CACNA1A: variants seen among roughly 807,000 people sequenced by gnomAD.
The protein encoded by CACNA1A is calcium voltage-gated channel subunit alpha1 A.
In CACNA1A, 57 loss-of-function variants were observed where a neutral mutation model predicts 262.4. The ratio of observed to expected loss-of-function variants is 0.22; its 90% CI spans 0.18 to 0.27. The LOEUF (loss-of-function observed/expected upper bound fraction) is 0.27. CACNA1A is among the 10% of genes least tolerant of loss of function. The pLI, the probability that CACNA1A is intolerant of heterozygous loss-of-function variation, is 1.00. For synonymous variants in CACNA1A, 1,431 were observed against 1,419.3 expected (o/e 1.01, Z -0.18); for missense variants, 2,526 against 3,562.8 (o/e 0.71, Z 7.41).
intron 3 of CACNA1A, among the ~76,000 whole-genome samples, chr19:13,400,270 A>C (rs554837514): frequency 2.3e-4 from 35 of 152,272 alleles, no homozygotes; most frequent in Non-Finnish European, 3.7e-4. Flanking sequence ...GATCATGTAT[A>C]ACACTGCACA....
At chr19:13,256,460 A>T (rs1288967955) in intron 28 of CACNA1A, 1 of 152,302 alleles carries the variant, frequency 6.6e-6, no homozygotes, top group Non-Finnish European at 1.5e-5. Context: ...AGTCATGTCT[A>T]TACTCTCTGG....
intron 3 of CACNA1A, among the ~76,000 whole-genome samples, chr19:13,410,709 G>A (rs2060095840): frequency 6.6e-6 from 1 of 151,870 alleles, no homozygotes; most frequent in Non-Finnish European, 1.5e-5. Context: ...AAGCAGCTCT[G>A]GCTCAGGTCA....
chr19:13,369,438 G>A (rs147473884), intron 4 of CACNA1A, among the ~76,000 whole-genome samples: 55 of 152,204 alleles, frequency 3.6e-4, no homozygotes, highest in Non-Finnish European at 6.2e-4. Context: ...CCCAAGAGCC[G>A]TCCCCCAATA....
chr19:13,426,372 C>T (rs535378202), intron 3 of CACNA1A, among the ~76,000 whole-genome samples: 2 of 152,174 alleles, frequency 1.3e-5, no homozygotes, highest in South Asian at 2.1e-4. Flanking sequence ...TGGGACATTT[C>T]GTTTGGCAAT....
chr19:13,235,388 C>A, intron 32 of CACNA1A, 114 bp from the exon 33 acceptor site: 1 of 1,040,502 alleles, frequency 9.6e-7, no homozygotes, highest in Non-Finnish European at 1.5e-6. Flanking sequence ...TGCCACGTGC[C>A]AGAGTCCTTC....
At chr19:13,428,658 C>A (rs113159235) in intron 3 of CACNA1A, among the ~76,000 whole-genome samples, 1 of 152,068 alleles carries the variant, frequency 6.6e-6, no homozygotes, top group Non-Finnish European at 1.5e-5. Context: ...AGAGTGGCCC[C>A]GCAGCCTGTG....
chr19:13,341,649 A>G (rs1408107526), intron 6 of CACNA1A, among the ~76,000 whole-genome samples: 1 of 152,088 alleles, frequency 6.6e-6, no homozygotes, highest in South Asian at 2.1e-4. Flanking sequence ...TGAGATTGCT[A>G]CATGGTTTCC....
chr19:13,385,827 C>G (rs1417637956), intron 3 of CACNA1A, among the ~76,000 whole-genome samples: 1 of 152,010 alleles, frequency 6.6e-6, no homozygotes, highest in Non-Finnish European at 1.5e-5. Context: ...TGATAATTAA[C>G]AGAGTATATT....
intron 3 of CACNA1A, among the ~76,000 whole-genome samples, chr19:13,388,752 A>T (rs2059662745): frequency 6.6e-6 from 1 of 152,134 alleles, no homozygotes; most frequent in Non-Finnish European, 1.5e-5. Flanking sequence ...GAGACAACTG[A>T]GAGAATGTTT....
chr19:13,248,419 A>AT, intron 30 of CACNA1A, among the ~76,000 whole-genome samples: 1 of 150,722 alleles, frequency 6.6e-6, no homozygotes. Flanking sequence ...CAAAAAAAAA[A>AT]AAAAAAAAAA....
intron 24 of CACNA1A, among the ~76,000 whole-genome samples, chr19:13,270,206 T>C (rs1450403765): frequency 6.6e-6 from 1 of 151,812 alleles, no homozygotes; most frequent in Non-Finnish European, 1.5e-5. Flanking sequence ...CTCATCTAGA[T>C]GGGAAAAACT....
chr19:13,215,526 C>T (rs1336345133), intron 38 of CACNA1A, among the ~76,000 whole-genome samples: 21 of 149,470 alleles, frequency 1.4e-4, no homozygotes, highest in African/African-American at 5.2e-4. Context: ...ACCATGTTGG[C>T]CAGGCTGGTC....
At chr19:13,237,913 T>C (rs1401586780) in intron 31 of CACNA1A, among the ~76,000 whole-genome samples, 2 of 152,074 alleles carry the variant, frequency 1.3e-5, no homozygotes, top group Non-Finnish European at 2.9e-5. Context: ...CGGCCAGGCA[T>C]GCGAAGGCAG....
At chr19:13,260,342 TTG>T (rs2056702040) in intron 26 of CACNA1A, 4 of 145,326 alleles carry the variant, frequency 2.8e-5, no homozygotes, top group Admixed American at 6.9e-5. Context: ...ATTTTTGTTG[TTG>T]TTGTTTGTTT....
chr19:13,307,049 ACCT>A (rs2057918813), intron 15 of CACNA1A, among the ~76,000 whole-genome samples: 1 of 151,630 alleles, frequency 6.6e-6, no homozygotes, highest in South Asian at 2.1e-4. Flanking sequence ...TGCAGCCTCA[ACCT>A]CCTGGGCTCA....
chr19:13,230,354 A>C, intron 35 of CACNA1A, 145 bp from the exon 36 acceptor site: 1 of 759,020 alleles, frequency 1.3e-6, no homozygotes, highest in Non-Finnish European at 2.1e-6. Flanking sequence ...GGATAGAGAG[A>C]AGATGGGGAA....
intron 31 of CACNA1A, among the ~76,000 whole-genome samples, chr19:13,239,278 C>T (rs943461661): frequency 1.4e-4 from 22 of 152,250 alleles, no homozygotes; most frequent in Non-Finnish European, 2.2e-4. Context: ...CACATTCCCT[C>T]GCTTGCAGAT....
chr19:13,329,483 T>G (rs74183011), intron 10 of CACNA1A, among the ~76,000 whole-genome samples: 2 of 146,818 alleles, frequency 1.4e-5, no homozygotes, highest in African/African-American at 5.3e-5. Context: ...ATTTGGTTTG[T>G]GTCTTTTTTT....
At chr19:13,439,647 A>G (rs1285360459) in intron 3 of CACNA1A, among the ~76,000 whole-genome samples, 1 of 151,288 alleles carries the variant, frequency 6.6e-6, no homozygotes, top group East Asian at 2.0e-4. Context: ...TCCTGATCTC[A>G]TGATCTGCCC....
Sources: allele counts gnomAD v4.1 joint callset (sites outside exome capture counted in the v4.1 genomes callset), GRCh38; gene constraint gnomAD v4.1.1; transcripts MANE v1.5; gene names NCBI Gene and HGNC (gene_info 2026-07-23, HGNC 2026-07-21).